Variants in CHIA observed in about 807,000 individuals in gnomAD.
CHIA encodes acidic mammalian chitinase.
CHIA carries 47 observed loss-of-function variants against 53.5 expected under a neutral mutation model. That is an observed-to-expected ratio of 0.88 (90% CI 0.70 to 1.12). The LOEUF (loss-of-function observed/expected upper bound fraction) is 1.12, where lower values mean the gene tolerates loss of function less well. CHIA is among the 50% of genes most tolerant of loss of function. The pLI, the probability that CHIA is intolerant of heterozygous loss-of-function variation, is 0.00. For synonymous variants in CHIA, 268 were observed against 222.2 expected (o/e 1.21, Z -1.83); for missense variants, 652 against 592.2 (o/e 1.10, Z -1.05).
At chr1:111,314,880 C>A (rs567325402) in intron 5 of CHIA, 1 of 448,552 alleles carries the variant, frequency 2.2e-6, no homozygotes, top group Non-Finnish European at 4.0e-6. Context: ...GAGTACAAAC[C>A]CTGAGGACAG....
intron 1 of CHIA, among the ~76,000 whole-genome samples, chr1:111,293,822 A>G (rs7525672): frequency 0.28 from 42,344 of 152,138 alleles, 6,193 homozygotes; most frequent in East Asian, 0.36. Context: ...GCTCATGCTT[A>G]TAACTCCAGT....
intron 1 of CHIA, among the ~76,000 whole-genome samples, chr1:111,301,155 T>C (rs1647690088): frequency 6.6e-6 from 1 of 152,190 alleles, no homozygotes; most frequent in African/African-American, 2.4e-5. Context: ...GTTCAACCAT[T>C]GTGGAAGACA....
chr1:111,299,765 AG>A (rs1270140448), intron 1 of CHIA, among the ~76,000 whole-genome samples: 2 of 152,146 alleles, frequency 1.3e-5, no homozygotes, highest in Non-Finnish European at 2.9e-5. Context: ...AAAGAAATAA[AG>A]GGTATTCAAT....
Position 111,315,308 on chromosome 1 carries a change from C to G in CHIA, c.353C>G (p.Thr118Ser), listed in dbSNP as rs1649062756. The G allele has an allele frequency of 6.2e-7, 1 of 1,613,068 alleles. No individual in the cohort carries two copies. ...GTTTCTACTCCTGAGAACCGCCAGA[C>G]TTTCATCACCTCAGTCATCAAATTC... ...AMVSTPENRQ[T>S]FITSVIKFLR... Residue 118 changes from threonine (T) to serine (S), a missense_variant, in exon 6 of 12, where the codon ACT becomes AGT. Transcript: ENST00000369740.
chr1:111,311,778 T>C (rs796670381), intron 3 of CHIA, 60 bp downstream of exon 3: 11 of 1,561,460 alleles, frequency 7.0e-6, no homozygotes, highest in South Asian at 4.4e-5. Context: ...AACCATACTA[T>C]GGAAAGAGAG....
At chr1:111,299,439 C>A (rs1257564444) in intron 1 of CHIA, among the ~76,000 whole-genome samples, 2 of 152,170 alleles carry the variant, frequency 1.3e-5, no homozygotes, top group East Asian at 1.9e-4. Flanking sequence ...TAAACATATG[C>A]AAATCAGTAA....
intron 1 of CHIA, among the ~76,000 whole-genome samples, chr1:111,297,222 G>A (rs1647236556): frequency 6.6e-6 from 1 of 152,106 alleles, no homozygotes; most frequent in African/African-American, 2.4e-5. Context: ...GAAATACAGA[G>A]AACACCACAA....
At chr1:111,297,901 CAAAAAAAAAAA>C (rs1188512345) in intron 1 of CHIA, among the ~76,000 whole-genome samples, 2 of 31,856 alleles carry the variant, frequency 6.3e-5, no homozygotes, top group Non-Finnish European at 1.0e-4. Flanking sequence ...AAATGGAAAG[CAAAAAAAAAAA>C]AAAAAAAAAA....
At chr1:111,300,363 G>C (rs12734016) in intron 1 of CHIA, among the ~76,000 whole-genome samples, 42,300 of 152,070 alleles carry the variant, frequency 0.28, 6,177 homozygotes, top group East Asian at 0.36. Context: ...AAAACAGCAT[G>C]GTACTGTTAC....
chr1:111,318,775 C>T (rs1444448430), intron 9 of CHIA, 97 bp downstream of exon 9: 1 of 1,335,942 alleles, frequency 7.5e-7, no homozygotes, highest in Non-Finnish European at 1.0e-6. Flanking sequence ...CTGTCTCCTA[C>T]CTAAATGCTT....
At chr1:111,295,231 A>T (rs1244050835) in intron 1 of CHIA, among the ~76,000 whole-genome samples, 1 of 152,160 alleles carries the variant, frequency 6.6e-6, no homozygotes, top group Non-Finnish European at 1.5e-5. Context: ...CCCAGGCTGG[A>T]ATGCAGTGGC....
At chr1:111,314,754 T>C in intron 5 of CHIA, 158 bp downstream of exon 5, 2 of 579,962 alleles carry the variant, frequency 3.4e-6, no homozygotes, top group Non-Finnish European at 6.2e-6. Flanking sequence ...CAGAACCTCA[T>C]TATTAAGTGG....
chr1:111,291,515 G>T lies in CHIA; in HGVS notation c.-69+565G>T, dbSNP rs372662199. Among the ~76,000 whole-genome samples the T allele has an allele frequency of 4.2e-4, 63 of 150,774 alleles. 2 individuals carry two copies. The South Asian group carries it at 0.012, about 29-fold the overall frequency. On this transcript the variant is annotated intron_variant, in intron 1 of 11. Coordinates refer to ENST00000369740, the MANE Select transcript of CHIA (RefSeq NM_201653.4). ...AAGAAACACTGGAGCCAGCTGAGGG[G>T]TTGGGGGCAAGGGGGGGAGAGCATT...
At chr1:111,300,051 A>G (rs1647582716) in intron 1 of CHIA, among the ~76,000 whole-genome samples, 2 of 152,296 alleles carry the variant, frequency 1.3e-5, no homozygotes, top group Middle Eastern at 3.4e-3. Context: ...TTCAAGGAGA[A>G]CTACAAAGCA....
chr1:111,309,418 A>G (rs1225525432), intron 1 of CHIA, among the ~76,000 whole-genome samples: 1 of 152,236 alleles, frequency 6.6e-6, no homozygotes, highest in Admixed American at 6.5e-5. Context: ...AGCATCATAT[A>G]AGCAATACAG....
intron 5 of CHIA, 46 bp from the exon 6 acceptor site, chr1:111,315,224 T>A (rs754856789): frequency 5.4e-6 from 8 of 1,475,520 alleles, no homozygotes; most frequent in Non-Finnish European, 7.6e-6. Flanking sequence ...CTCCAAGGTG[T>A]TGGGACCACC....
chr1:111,309,869 G>T (rs1648520461), intron 1 of CHIA, among the ~76,000 whole-genome samples: 1 of 152,222 alleles, frequency 6.6e-6, no homozygotes, highest in Non-Finnish European at 1.5e-5. Context: ...CTTTATAGGG[G>T]ACATTTTGAG....
At chr1:111,296,312 G>T (rs964400739) in intron 1 of CHIA, among the ~76,000 whole-genome samples, 1 of 152,210 alleles carries the variant, frequency 6.6e-6, no homozygotes, top group Non-Finnish European at 1.5e-5. Flanking sequence ...CCCAGTAGGG[G>T]CTGACTGACA....
At chr1:111,300,119 A>G (rs973574608) in intron 1 of CHIA, among the ~76,000 whole-genome samples, 1 of 152,140 alleles carries the variant, frequency 6.6e-6, no homozygotes, top group Non-Finnish European at 1.5e-5. Flanking sequence ...ATGCTCATGG[A>G]TAGGAAGAAT....
Sources: allele counts gnomAD v4.1 joint callset (sites outside exome capture counted in the v4.1 genomes callset), GRCh38; gene constraint gnomAD v4.1.1; transcripts MANE v1.5; gene names NCBI Gene and HGNC (gene_info 2026-07-23, HGNC 2026-07-21).